The following ENKUR variants were observed in gnomAD, a reference collection of about 807,000 sequenced individuals.
ENKUR encodes the protein enkurin.
In ENKUR, 19 loss-of-function variants were observed where a neutral mutation model predicts 27.6. That is an observed-to-expected ratio of 0.69 (90% confidence interval 0.48 to 1.01). The LOEUF (loss-of-function observed/expected upper bound fraction) is 1.01. Ranked by LOEUF, ENKUR falls within the 50% of genes least tolerant of loss-of-function variation. The pLI is 0.00. For missense variants in ENKUR, 312 were observed against 310.5 expected (o/e 1.00, Z -0.04); for synonymous variants, 117 against 96.9 (o/e 1.21, Z -1.22).
intron 3 of ENKUR, 100 bp from the exon 4 acceptor site, chr10:24,990,709 C>CT (rs57521436): frequency 0.014 from 17,115 of 1,210,868 alleles, 480 homozygotes; most frequent in African/African-American, 0.11. Flanking sequence ...ATGGTACAGA[C>CT]TAAATCCTTT....
chr10:25,008,217 G>A lies in ENKUR; in HGVS notation c.77+7643C>T, dbSNP rs1312318574. On this transcript the variant is annotated intron_variant, in intron 1 of 5. Transcript: ENST00000331161. Reference sequence around the variant, plus strand: ...AAGAGACCATATATTGCAGCAATGGGAATTTTAGCATAAAATGTCATCATG... The same window carrying A: ...AAGAGACCATATATTGCAGCAATGGAAATTTTAGCATAAAATGTCATCATG... 2.0e-5 allele frequency among the ~76,000 whole-genome samples: 3 copies of A among 151,976 alleles called. No individual in the cohort carries two copies. The South Asian group carries it at 6.2e-4, about 31-fold the overall frequency.
At chr10:25,030,383 T>G (rs1420290692) in intron 2 of ENKUR, among the ~76,000 whole-genome samples, 1 of 152,216 alleles carries the variant, frequency 6.6e-6, no homozygotes, top group Admixed American at 6.5e-5. Flanking sequence ...AGATTAATAT[T>G]TTGCTGTATA....
At chr10:25,030,993 C>T (rs1309164062) in intron 2 of ENKUR, among the ~76,000 whole-genome samples, 1 of 152,138 alleles carries the variant, frequency 6.6e-6, no homozygotes, top group Non-Finnish European at 1.5e-5. Context: ...TGGTGGGCAC[C>T]TGTAATCCCA....
intron 1 of ENKUR, among the ~76,000 whole-genome samples, chr10:25,000,728 C>A (rs1204656981): frequency 6.6e-6 from 1 of 152,054 alleles, no homozygotes; most frequent in Non-Finnish European, 1.5e-5. Flanking sequence ...TTTATCCAGC[C>A]ACCAATCACT....
intron 1 of ENKUR, among the ~76,000 whole-genome samples, chr10:25,004,353 A>G (rs1474742930): frequency 6.6e-6 from 1 of 152,140 alleles, no homozygotes; most frequent in Non-Finnish European, 1.5e-5. Context: ...GAATTGCCAC[A>G]CTGTCTTCCA....
At chr10:25,058,916 GT>G (rs1851293620) in intron 2 of ENKUR, among the ~76,000 whole-genome samples, 1 of 137,616 alleles carries the variant, frequency 7.3e-6, no homozygotes, top group Admixed American at 7.4e-5. Context: ...AGGTGACGGA[GT>G]GAGACTCCAT....
intron 2 of ENKUR, chr10:25,023,518 G>A (rs1228383061): frequency 1.9e-6 from 3 of 1,613,930 alleles, no homozygotes; most frequent in African/African-American, 1.3e-5. Context: ...GAATATGAGT[G>A]TGTCTGAAAA....
intron 2 of ENKUR, among the ~76,000 whole-genome samples, chr10:25,056,613 G>A (rs558435578): frequency 9.9e-5 from 15 of 152,234 alleles, no homozygotes; most frequent in African/African-American, 3.4e-4. Context: ...GTTATTTCAA[G>A]GGAAATATAC....
At chr10:25,003,875 G>A (rs1159617530) in intron 1 of ENKUR, among the ~76,000 whole-genome samples, 8 of 152,070 alleles carry the variant, frequency 5.3e-5, no homozygotes, top group Non-Finnish European at 8.8e-5. Flanking sequence ...CCCTCCATGT[G>A]TTCATGTGTT....
At chr10:25,016,387 A>G (rs962413502), upstream of ENKUR, among the ~76,000 whole-genome samples, 3 of 152,246 alleles carry the variant, frequency 2.0e-5, no homozygotes, top group African/African-American at 7.2e-5. Flanking sequence ...ATCCTAGTAG[A>G]GACGGCAAAG....
upstream of ENKUR, among the ~76,000 whole-genome samples, chr10:25,020,133 A>G (rs909457408): frequency 1.3e-5 from 2 of 152,106 alleles, no homozygotes; most frequent in African/African-American, 4.8e-5. Flanking sequence ...TAGAAATAAT[A>G]TATATTATAG....
chr10:25,031,055 T>C (rs901501270), intron 2 of ENKUR, among the ~76,000 whole-genome samples: 1 of 152,174 alleles, frequency 6.6e-6, no homozygotes, highest in Non-Finnish European at 1.5e-5. Flanking sequence ...GAGGCAGAGA[T>C]TGCAGTAGCC....
intron 2 of ENKUR, among the ~76,000 whole-genome samples, chr10:25,054,509 CTTTCCTTT>C (rs777884694): frequency 0.02 from 2,115 of 106,014 alleles, 31 homozygotes; most frequent in Non-Finnish European, 0.03. Flanking sequence ...TTCTTTCTTT[CTTTCCTTT>C]CTTTCTTTCT....
intron 2 of ENKUR, among the ~76,000 whole-genome samples, chr10:24,998,213 T>C (rs996295825): frequency 6.6e-6 from 1 of 152,160 alleles, no homozygotes; most frequent in Non-Finnish European, 1.5e-5. Context: ...GATGTTGCAT[T>C]ATTTCCTCAA....
intron 2 of ENKUR, among the ~76,000 whole-genome samples, chr10:25,049,167 G>T (rs1851155335): frequency 6.6e-6 from 1 of 152,134 alleles, no homozygotes; most frequent in Non-Finnish European, 1.5e-5. Context: ...TGTTGGGAGG[G>T]TTAACTGTAA....
At chr10:25,021,713 T>G (rs1002797090) in intron 2 of ENKUR, 1 of 152,206 alleles carries the variant, frequency 6.6e-6, no homozygotes, top group African/African-American at 2.4e-5. Context: ...TATACAGTTA[T>G]GATTAACTTA....
At position 24,995,888 on chromosome 10, in the gene ENKUR, C is replaced by A. The variant is rs762116878; in HGVS notation, c.224-19G>T. 9 of 1,578,298 alleles carry A rather than the reference C, an allele frequency of 5.7e-6. No individual in the cohort carries two copies. The highest frequency in any genetic ancestry group is 1.2e-5 in the South Asian group (1 of 84,650). On this transcript the variant is annotated intron_variant, in intron 2 of 5. Coordinates refer to ENST00000331161, the MANE Select transcript of ENKUR (RefSeq NM_145010.4). ...TTTTTTTCTGTTAAATATAACATTT[C>A]TTTGTTAATATTAAACTACAAACAC... is the stretch of plus-strand genomic sequence containing the variant.
At chr10:25,049,485 T>C (rs1259952725) in intron 2 of ENKUR, among the ~76,000 whole-genome samples, 1 of 152,138 alleles carries the variant, frequency 6.6e-6, no homozygotes, top group East Asian at 1.9e-4. Context: ...AAAAGTAATG[T>C]TTGTATCAAA....
intron 1 of ENKUR, among the ~76,000 whole-genome samples, chr10:25,002,893 C>G (rs533246081): frequency 6.6e-6 from 1 of 151,402 alleles, no homozygotes; most frequent in South Asian, 2.1e-4. Flanking sequence ...GATATGGTCT[C>G]GTGATTAATA....
Sources: allele counts gnomAD v4.1 joint callset (sites outside exome capture counted in the v4.1 genomes callset), GRCh38; gene constraint gnomAD v4.1.1; transcripts MANE v1.5; gene names NCBI Gene and HGNC (gene_info 2026-07-23, HGNC 2026-07-21).